MFF: variants seen among roughly 807,000 people sequenced by gnomAD.
MFF encodes the protein chromosome 2 open reading frame 33.
Under a neutral mutation model 36.9 loss-of-function variants are expected in MFF, and 12 were observed. That is an observed-to-expected ratio of 0.33 (90% CI 0.21 to 0.53). The LOEUF is 0.53. Ranked by LOEUF, MFF falls within the 20% of genes least tolerant of loss-of-function variation. The probability of loss-of-function intolerance (pLI) is 0.95; values close to 1 mark genes in which losing one functional copy is unlikely to be tolerated. For synonymous variants in MFF, 99 were observed against 126.2 expected (o/e 0.78, Z 1.44); for missense variants, 348 against 366.6 (o/e 0.95, Z 0.42).
rs775384816 is a variant in MFF, at chr2:227,330,764, C to T, written c.99C>T (p.Asn33=). The T allele has an allele frequency of 1.7e-5, 28 of 1,614,058 alleles. No individual in the cohort carries two copies. Among genetic ancestry groups the T allele is most frequent in the African/African-American group, 2.7e-5 (2 of 74,936 alleles). Residue 33 remains asparagine, a synonymous_variant, in exon 3 of 9, where the codon AAC becomes AAT. Coordinates refer to ENST00000304593, the MANE Select transcript of MFF (RefSeq NM_001277062.2). The part of the protein sequence containing the change: ...VPEKLKVAPP[N]ADLEQGFQEG... ...AAAAGTTAAAAGTAGCACCGCCAAA[C>T]GCTGACCTGGAACAAGGATTCCAAG...
rs572787657 is a variant in MFF at position 227,331,959 on chromosome 2, A to ATATTTTTT, written c.182-459_182-458insATTTTTTT. 1.1e-3 allele frequency among the ~76,000 whole-genome samples: 88 copies of ATATTTTTT among 76,832 alleles called. 17 individuals carry two copies. Among genetic ancestry groups the ATATTTTTT allele is most frequent in the African/African-American group, 3.6e-3 (79 of 21,960 alleles). 50.4% of individuals were successfully genotyped at this position (76,832 alleles called of 152,430 possible). On this transcript the variant is annotated intron_variant, in intron 3 of 8. Coordinates refer to ENST00000304593, the MANE Select transcript of MFF (RefSeq NM_001277062.2). Reference sequence around the variant, plus strand: ...AGTGAAATGTCAATACGCTGGAAGCATTTTTTTTTTTTTTTTTTTTTTTTT... The same window carrying ATATTTTTT: ...AGTGAAATGTCAATACGCTGGAAGCATATTTTTTTTTTTTTTTTTTTTTTTTTTTTTTT...
intron 5 of MFF, among the ~76,000 whole-genome samples, chr2:227,345,427 C>G (rs1480344862): frequency 6.6e-6 from 1 of 152,182 alleles, no homozygotes; most frequent in East Asian, 1.9e-4. Context: ...ACAAAGTGTT[C>G]AATTTAAACC....
At chr2:227,344,203 C>A (rs533968182) in intron 5 of MFF, among the ~76,000 whole-genome samples, 2 of 152,274 alleles carry the variant, frequency 1.3e-5, no homozygotes, top group African/African-American at 2.4e-5. Context: ...CTAATCTTTT[C>A]TTTTAAAAAG....
Position 227,342,713 on chromosome 2 carries a change from A to T in MFF, c.440+2333A>T, listed in dbSNP as rs1244849946. 4.5e-6 allele frequency: 7 copies of T among 1,555,610 alleles called. No individual in the cohort carries two copies. The South Asian group carries it at 7.9e-5, about 18-fold the overall frequency. ...CTTTTTCTTTGTGTTATAAAAGCTG[A>T]ATATGTAAAAGAAGCATAATTATTA... On this transcript the variant is annotated intron_variant, in intron 5 of 8. Coordinates refer to ENST00000304593, the MANE Select transcript of MFF (RefSeq NM_001277062.2).
At chr2:227,354,611 C>G (rs2076169512) in intron 7 of MFF, among the ~76,000 whole-genome samples, 1 of 152,144 alleles carries the variant, frequency 6.6e-6, no homozygotes, top group Admixed American at 6.6e-5. Context: ...TGGCGTTTGT[C>G]TTTGTTTTTC....
At chr2:227,329,704 G>C in intron 2 of MFF, 1 of 1,380,828 alleles carries the variant, frequency 7.2e-7, no homozygotes. Context: ...CAGGGTAGCA[G>C]TATTTTAATA....
chr2:227,332,658 G>A, intron 4 of MFF, 70 bp downstream of exon 4: 1 of 1,129,466 alleles, frequency 8.9e-7, no homozygotes, highest in Non-Finnish European at 1.3e-6. Flanking sequence ...GAGCAAAGAG[G>A]CTTTATCATA....
At chr2:227,354,611 CTT>C (rs2076169642) in intron 7 of MFF, among the ~76,000 whole-genome samples, 1 of 152,144 alleles carries the variant, frequency 6.6e-6, no homozygotes, top group African/African-American at 2.4e-5. Context: ...TGGCGTTTGT[CTT>C]TGTTTTTCAG....
chr2:227,342,465 T>C (rs2075448393), intron 5 of MFF, among the ~76,000 whole-genome samples: 1 of 152,198 alleles, frequency 6.6e-6, no homozygotes, highest in African/African-American at 2.4e-5. Flanking sequence ...TATCTTTACC[T>C]ACTTTAGTGT....
chr2:227,345,810 G>A (rs534314778), intron 5 of MFF, among the ~76,000 whole-genome samples: 38 of 152,240 alleles, frequency 2.5e-4, no homozygotes, highest in South Asian at 2.5e-3. Context: ...GTCTCTGGAC[G>A]GACATTTAAG....
intron 4 of MFF, among the ~76,000 whole-genome samples, chr2:227,338,524 T>C (rs897696230): frequency 3.9e-5 from 6 of 152,032 alleles, no homozygotes; most frequent in African/African-American, 1.4e-4. Context: ...TACTATAAAG[T>C]TTAATTTTTT....
chr2:227,333,970 G>T (rs895377392), intron 4 of MFF, among the ~76,000 whole-genome samples: 1 of 152,124 alleles, frequency 6.6e-6, no homozygotes, highest in Non-Finnish European at 1.5e-5. Context: ...GACTCTACGG[G>T]GTTCATTCCT....
At chr2:227,352,689 C>A in intron 7 of MFF, 116 bp downstream of exon 7, 2 of 840,234 alleles carry the variant, frequency 2.4e-6, no homozygotes, top group Non-Finnish European at 4.0e-6. Context: ...GTTTCTACAG[C>A]TTTCCTCGAT....
intron 6 of MFF, chr2:227,352,232 T>G (rs1439770881): frequency 2.2e-5 from 7 of 312,486 alleles, no homozygotes; most frequent in Non-Finnish European, 3.6e-5. Context: ...TTTCATAAAG[T>G]AAAGCACCAA....
chr2:227,334,875 A>G (rs566176636), intron 4 of MFF, among the ~76,000 whole-genome samples: 120 of 152,308 alleles, frequency 7.9e-4, no homozygotes, highest in African/African-American at 2.8e-3. Flanking sequence ...AGCCATAAAA[A>G]AATGAGGTAC....
At position 227,356,989 on chromosome 2, in the gene MFF, A is replaced by G. The variant is rs538744132; in HGVS notation, c.748A>G (p.Ile250Val). The change falls in exon 9 of 9, where the codon ATC (isoleucine) becomes GTC (valine). Residue 250 changes from isoleucine (I) to valine (V), a missense_variant. Coordinates refer to ENST00000304593, the MANE Select transcript of MFF (RefSeq NM_001277062.2). ...VDAASLRRQI[I>V]KLNRRLQLLE... ...TGTGTGTTTGTTTTTCACTTAGATA[A>G]TCAAACTAAATAGACGTCTACAACT... is the stretch of plus-strand genomic sequence containing the variant. 6.2e-7 allele frequency: 1 copy of G among 1,609,568 alleles called. No individual in the cohort carries two copies. Among genetic ancestry groups the G allele is most frequent in the African/African-American group, 1.3e-5 (1 of 74,826 alleles).
At chr2:227,337,658 G>A (rs2075108845) in intron 4 of MFF, among the ~76,000 whole-genome samples, 1 of 152,186 alleles carries the variant, frequency 6.6e-6, no homozygotes, top group Non-Finnish European at 1.5e-5. Context: ...CCAACTTCCA[G>A]GAAGCTGCTT....
intron 1 of MFF, among the ~76,000 whole-genome samples, chr2:227,325,940 A>T (rs2074074894): frequency 6.6e-6 from 1 of 152,100 alleles, no homozygotes; most frequent in African/African-American, 2.4e-5. Flanking sequence ...AGGTTGTGGC[A>T]TCGCGGGTGG....
chr2:227,329,668 A>G, intron 2 of MFF: 1 of 1,033,078 alleles, frequency 9.7e-7, no homozygotes, highest in South Asian at 1.3e-5. Flanking sequence ...GTGTAGGGGA[A>G]TTGTTGTGTA....
Sources: allele counts gnomAD v4.1 joint callset (sites outside exome capture counted in the v4.1 genomes callset), GRCh38; gene constraint gnomAD v4.1.1; transcripts MANE v1.5; gene names NCBI Gene and HGNC (gene_info 2026-07-23, HGNC 2026-07-21).